Variants in IGSF11 observed in about 807,000 individuals in gnomAD.
IGSF11 encodes the protein immunoglobulin superfamily member 11.
Under a neutral mutation model 41.0 loss-of-function variants are expected in IGSF11, and 22 were observed. The observed-to-expected ratio is 0.54, with a 90% CI of 0.38 to 0.77. The LOEUF is 0.77. Ranked by LOEUF, IGSF11 falls within the 30% of genes least tolerant of loss-of-function variation. The pLI is 0.00. For missense variants in IGSF11, 444 were observed against 530.8 expected, an observed-to-expected ratio of 0.84 and a Z score of 1.61; for synonymous variants, 219 against 201.3, an observed-to-expected ratio of 1.09 and a Z score of -0.74.
chr3:118,904,625 T>A, intron 6 of IGSF11, 23 bp downstream of exon 6: 1 of 1,576,006 alleles, frequency 6.3e-7, no homozygotes, highest in African/African-American at 1.4e-5. Context: ...GCAGGACAAA[T>A]TTTAAAAATC....
At chr3:119,045,935 T>C (rs1194153374) in intron 1 of IGSF11, among the ~76,000 whole-genome samples, 1 of 152,010 alleles carries the variant, frequency 6.6e-6, no homozygotes, top group African/African-American at 2.4e-5. Context: ...CTGAGGGTCC[T>C]GTCTGTTAGA....
intron 1 of IGSF11, among the ~76,000 whole-genome samples, chr3:118,980,925 AT>A (rs1412207240): frequency 6.6e-6 from 1 of 152,130 alleles, no homozygotes; most frequent in African/African-American, 2.4e-5. Context: ...AAGAAGTCAC[AT>A]TTTCTTGTTA....
At chr3:119,080,516 G>T (rs1374364422) in intron 1 of IGSF11, among the ~76,000 whole-genome samples, 1 of 152,192 alleles carries the variant, frequency 6.6e-6, no homozygotes, top group Non-Finnish European at 1.5e-5. Flanking sequence ...GAAGTCTTCT[G>T]CAAGAACAAG....
chr3:119,044,263 T>C (rs1187155610), intron 1 of IGSF11, among the ~76,000 whole-genome samples: 10 of 151,808 alleles, frequency 6.6e-5, no homozygotes, highest in African/African-American at 2.2e-4. Context: ...AAATGCAAAA[T>C]ACACTGGGAA....
chr3:119,022,357 C>T (rs1350470133), intron 1 of IGSF11, among the ~76,000 whole-genome samples: 1 of 152,086 alleles, frequency 6.6e-6, no homozygotes, highest in Non-Finnish European at 1.5e-5. Flanking sequence ...GTGATAGCTG[C>T]ACAACACTGT....
At chr3:119,058,384 C>T (rs1941932538) in intron 1 of IGSF11, among the ~76,000 whole-genome samples, 1 of 152,180 alleles carries the variant, frequency 6.6e-6, no homozygotes, top group Non-Finnish European at 1.5e-5. Context: ...TGCTCATCAT[C>T]ACTGGCCATC....
intron 4 of IGSF11, among the ~76,000 whole-genome samples, chr3:118,922,242 C>A (rs1941871822): frequency 6.6e-6 from 1 of 152,064 alleles, no homozygotes; most frequent in Admixed American, 6.6e-5. Context: ...GAGGGCTTTC[C>A]TTGTGCATTA....
intron 1 of IGSF11, among the ~76,000 whole-genome samples, chr3:119,027,348 T>C (rs1253607527): frequency 1.3e-5 from 2 of 152,324 alleles, no homozygotes; most frequent in East Asian, 3.9e-4. Flanking sequence ...CTGAAAATGC[T>C]GTCAAAATAC....
At chr3:119,045,037 C>A (rs6796270) in intron 1 of IGSF11, among the ~76,000 whole-genome samples, 1 of 152,112 alleles carries the variant, frequency 6.6e-6, no homozygotes, top group Admixed American at 6.5e-5. Context: ...ATGAATAGAA[C>A]AGTACCTCAC....
At chr3:118,931,409 C>G (rs1942838409) in intron 1 of IGSF11, among the ~76,000 whole-genome samples, 3 of 152,108 alleles carry the variant, frequency 2.0e-5, no homozygotes, top group Admixed American at 2.0e-4. Context: ...ATACAAATAT[C>G]CATCAACTGG....
chr3:118,983,835 T>A (rs1206802918), intron 1 of IGSF11, among the ~76,000 whole-genome samples: 3 of 152,184 alleles, frequency 2.0e-5, no homozygotes, highest in African/African-American at 7.2e-5. Flanking sequence ...GTAAAAAAAG[T>A]AATATAATTA....
At chr3:118,957,251 T>C (rs971364132) in intron 1 of IGSF11, among the ~76,000 whole-genome samples, 1 of 152,162 alleles carries the variant, frequency 6.6e-6, no homozygotes, top group Non-Finnish European at 1.5e-5. Flanking sequence ...CTACTCACAC[T>C]GGGGAGGGCA....
intron 1 of IGSF11, among the ~76,000 whole-genome samples, chr3:119,023,367 G>C (rs191997807): frequency 1.3e-3 from 194 of 146,350 alleles, no homozygotes; most frequent in Non-Finnish European, 2.1e-3. Context: ...TGCTTTTCAA[G>C]ATGTTAAAAA....
chr3:119,142,234 C>T (rs1338792131), intron 1 of IGSF11, among the ~76,000 whole-genome samples: 1 of 144,506 alleles, frequency 6.9e-6, no homozygotes, highest in African/African-American at 2.6e-5. Flanking sequence ...GAGATCGCGC[C>T]ACTGCATTCC....
intron 1 of IGSF11, among the ~76,000 whole-genome samples, chr3:119,040,750 T>G (rs904911056): frequency 6.6e-6 from 1 of 152,242 alleles, no homozygotes. Flanking sequence ...AATAAATATT[T>G]TGAATGGATG....
chr3:119,041,319 C>T (rs868163084), intron 1 of IGSF11, among the ~76,000 whole-genome samples: 13 of 152,250 alleles, frequency 8.5e-5, no homozygotes, highest in Middle Eastern at 3.4e-3. Context: ...TGGTGGCTCA[C>T]GCCTATAATC....
intron 1 of IGSF11, among the ~76,000 whole-genome samples, chr3:118,998,380 C>CT (rs1936475833): frequency 6.6e-6 from 1 of 152,032 alleles, no homozygotes; most frequent in Admixed American, 6.5e-5. Flanking sequence ...CCTGAAACTT[C>CT]AACTCAAGAT....
intron 1 of IGSF11, among the ~76,000 whole-genome samples, chr3:119,079,225 G>GTAATCCCA (rs1303343101): frequency 6.6e-6 from 1 of 152,078 alleles, no homozygotes; most frequent in East Asian, 1.9e-4. Flanking sequence ...CGGGTGTGGT[G>GTAATCCCA]GTGGGTGCCT....
chr3:118,994,471 A>G (rs758209880), intron 1 of IGSF11, among the ~76,000 whole-genome samples: 20 of 152,170 alleles, frequency 1.3e-4, no homozygotes, highest in Non-Finnish European at 2.2e-4. Flanking sequence ...AGCTGGGGCA[A>G]CATAGTAAGT....
Sources: allele counts gnomAD v4.1 joint callset (sites outside exome capture counted in the v4.1 genomes callset), GRCh38; gene constraint gnomAD v4.1.1; transcripts MANE v1.5; gene names NCBI Gene and HGNC (gene_info 2026-07-23, HGNC 2026-07-21).